The following MYO5A variants were observed in gnomAD, a reference collection of about 807,000 sequenced individuals.
MYO5A encodes unconventional myosin-Va.
In MYO5A, 98 loss-of-function variants were observed where a neutral mutation model predicts 249.7. The ratio of observed to expected loss-of-function variants is 0.39; its 90% CI spans 0.33 to 0.46. MYO5A has a LOEUF of 0.46. Ranked by LOEUF, MYO5A falls within the 20% of genes least tolerant of loss-of-function variation. MYO5A has a pLI of 0.98. For missense variants in MYO5A, 1,696 were observed against 2,308.8 expected (o/e 0.73, Z 5.44); for synonymous variants, 778 against 810.6 (o/e 0.96, Z 0.68).
intron 1 of MYO5A, among the ~76,000 whole-genome samples, chr15:52,451,541 TG>T (rs1407073651): frequency 6.6e-6 from 1 of 152,228 alleles, no homozygotes; most frequent in Non-Finnish European, 1.5e-5. Flanking sequence ...CTGCATTATT[TG>T]GCACTTGCCC....
intron 32 of MYO5A, among the ~76,000 whole-genome samples, chr15:52,339,743 C>T (rs984390446): frequency 1.5e-4 from 23 of 152,192 alleles, no homozygotes; most frequent in Non-Finnish European, 4.4e-5. Flanking sequence ...TTGCCAACCG[C>T]CTTTCTCAAC....
intron 11 of MYO5A, among the ~76,000 whole-genome samples, chr15:52,393,292 C>A (rs891479964): frequency 6.6e-6 from 1 of 152,166 alleles, no homozygotes; most frequent in Non-Finnish European, 1.5e-5. Context: ...TTACGTGCCA[C>A]AAGATTTCCA....
chr15:52,444,279 T>A (rs2075844208), intron 1 of MYO5A, among the ~76,000 whole-genome samples: 1 of 152,150 alleles, frequency 6.6e-6, no homozygotes, highest in Non-Finnish European at 1.5e-5. Flanking sequence ...AGTATTTCCA[T>A]CTATAATTAG....
intron 11 of MYO5A, among the ~76,000 whole-genome samples, chr15:52,393,826 G>T (rs2042369265): frequency 6.6e-6 from 1 of 152,086 alleles, no homozygotes; most frequent in Admixed American, 6.5e-5. Context: ...AGGCAAATAG[G>T]GCACCATATG....
rs755829783 is a variant in MYO5A at position 52,416,365 on chromosome 15, A to C, written c.456-64T>G. On this transcript the variant is annotated intron_variant, in intron 4 of 41. Transcript: ENST00000399233. ...CTGCCTATAGCAGGATTGATAAGGG[A>C]AACTATGGTCTCTATGGAAGTAGGG... 1.9e-6 allele frequency: 3 copies of C among 1,539,928 alleles called. No homozygotes were observed. In the African/African-American group the frequency reaches 4.1e-5, roughly 21 times the overall value.
chr15:52,378,644 A>C (rs1415696394), intron 18 of MYO5A, among the ~76,000 whole-genome samples: 1 of 151,566 alleles, frequency 6.6e-6, no homozygotes, highest in Admixed American at 6.6e-5. Context: ...AAAAAAAGGC[A>C]TCACATTTAG....
chr15:52,372,798 T>A (rs2041197166), intron 20 of MYO5A, among the ~76,000 whole-genome samples: 1 of 152,132 alleles, frequency 6.6e-6, no homozygotes, highest in African/African-American at 2.4e-5. Context: ...TCCTGTAAAC[T>A]ATGTGCTACT....
chr15:52,328,853 C>T (rs2038737196), intron 35 of MYO5A, among the ~76,000 whole-genome samples: 1 of 152,166 alleles, frequency 6.6e-6, no homozygotes, highest in Admixed American at 6.5e-5. Flanking sequence ...GCTCCCTGCC[C>T]TGGGCCTACG....
At chr15:52,411,170 C>T (rs1174204556) in intron 5 of MYO5A, among the ~76,000 whole-genome samples, 1 of 152,154 alleles carries the variant, frequency 6.6e-6, no homozygotes, top group Non-Finnish European at 1.5e-5. Flanking sequence ...TTCCAAAAAA[C>T]TTCACCTGCT....
chr15:52,509,696 T>C (rs1458754213), intron 1 of MYO5A, among the ~76,000 whole-genome samples: 1 of 152,166 alleles, frequency 6.6e-6, no homozygotes, highest in African/African-American at 2.4e-5. Context: ...AAGCCAAAGA[T>C]CAGGCACTGC....
chr15:52,402,318 A>C (rs2042796302), intron 9 of MYO5A, among the ~76,000 whole-genome samples: 1 of 152,092 alleles, frequency 6.6e-6, no homozygotes, highest in Admixed American at 6.6e-5. Context: ...GGTCAGGTTA[A>C]GTTTTCTTTA....
At chr15:52,413,538 G>A (rs985861043) in intron 5 of MYO5A, among the ~76,000 whole-genome samples, 3 of 152,138 alleles carry the variant, frequency 2.0e-5, no homozygotes, top group Non-Finnish European at 4.4e-5. Flanking sequence ...TATCCTATGA[G>A]GAGTTTCAGC....
chr15:52,471,322 G>A (rs1375301119), intron 1 of MYO5A, among the ~76,000 whole-genome samples: 3 of 152,060 alleles, frequency 2.0e-5, no homozygotes, highest in Admixed American at 6.6e-5. Context: ...ATCAGTTCGG[G>A]GCCAGGTGCA....
At chr15:52,419,770 C>T (rs1367084027) in intron 4 of MYO5A, among the ~76,000 whole-genome samples, 1 of 152,172 alleles carries the variant, frequency 6.6e-6, no homozygotes, top group Non-Finnish European at 1.5e-5. Context: ...TCCATCAGTA[C>T]AGAGCCTATG....
intron 35 of MYO5A, among the ~76,000 whole-genome samples, chr15:52,328,469 T>C (rs572382699): frequency 6.6e-6 from 1 of 152,296 alleles, no homozygotes; most frequent in South Asian, 2.1e-4. Context: ...CAACAAACCC[T>C]GTTGGCTCTA....
chr15:52,366,943 T>C, intron 23 of MYO5A, 88 bp downstream of exon 23: 1 of 1,107,752 alleles, frequency 9.0e-7, no homozygotes, highest in Non-Finnish European at 1.4e-6. Context: ...AAATTCTAAA[T>C]AATGTTGTGT....
intron 1 of MYO5A, among the ~76,000 whole-genome samples, chr15:52,520,067 G>T (rs1330840558): frequency 6.6e-6 from 1 of 152,098 alleles, no homozygotes; most frequent in African/African-American, 2.4e-5. Flanking sequence ...TTCTCTAGGG[G>T]AAAGATACCT....
chr15:52,376,065 A>G (rs1465619230), intron 19 of MYO5A, among the ~76,000 whole-genome samples: 1 of 152,236 alleles, frequency 6.6e-6, no homozygotes, highest in Non-Finnish European at 1.5e-5. Flanking sequence ...GACTGTTTTA[A>G]TTGATACATG....
At chr15:52,482,289 GCAT>G (rs2076730933) in intron 1 of MYO5A, among the ~76,000 whole-genome samples, 2 of 152,208 alleles carry the variant, frequency 1.3e-5, no homozygotes, top group Non-Finnish European at 1.5e-5. Flanking sequence ...CTTCTTCATG[GCAT>G]CATGTGGAAG....
Sources: allele counts gnomAD v4.1 joint callset (sites outside exome capture counted in the v4.1 genomes callset), GRCh38; gene constraint gnomAD v4.1.1; transcripts MANE v1.5; gene names NCBI Gene and HGNC (gene_info 2026-07-23, HGNC 2026-07-21).